The following EIPR1 variants were observed in gnomAD, a reference collection of about 807,000 sequenced individuals.
The protein encoded by EIPR1 is EARP complex and GARP complex interacting protein 1.
A neutral mutation model predicts 48.1 loss-of-function variants in EIPR1; 25 were observed. That is an observed-to-expected ratio of 0.52 (90% confidence interval 0.38 to 0.73). The LOEUF is 0.73. EIPR1 is among the 30% of genes least tolerant of loss of function. The pLI, the probability that EIPR1 is intolerant of heterozygous loss-of-function variation, is 0.00. For missense variants in EIPR1, 415 were observed against 506.2 expected, an observed-to-expected ratio of 0.82 and a Z score of 1.73; for synonymous variants, 204 against 201.9, an observed-to-expected ratio of 1.01 and a Z score of -0.09.
chr2:3,369,318 GGT>G (rs1558323926), intron 1 of EIPR1, among the ~76,000 whole-genome samples: 2 of 152,224 alleles, frequency 1.3e-5, no homozygotes, highest in Non-Finnish European at 2.9e-5. Context: ...GCAGAAGACG[GGT>G]GATTTCTGCA....
intron 2 of EIPR1, among the ~76,000 whole-genome samples, chr2:3,341,237 A>G (rs559113537): frequency 3.5e-4 from 53 of 152,314 alleles, no homozygotes; most frequent in African/African-American, 1.3e-3. Flanking sequence ...AGTGAGAAAA[A>G]TCAGACACGA....
At chr2:3,327,822 C>T (rs1669744799) in intron 3 of EIPR1, among the ~76,000 whole-genome samples, 1 of 152,226 alleles carries the variant, frequency 6.6e-6, no homozygotes, top group Non-Finnish European at 1.5e-5. Context: ...GTATACTCAA[C>T]TCGTTTTGTT....
intron 1 of EIPR1, among the ~76,000 whole-genome samples, chr2:3,373,587 G>A (rs1659767803): frequency 6.6e-6 from 1 of 151,968 alleles, no homozygotes; most frequent in Non-Finnish European, 1.5e-5. Flanking sequence ...ACCAATAACA[G>A]ACAAACAGAG....
Position 3,199,342 on chromosome 2 carries a change from G to A in EIPR1, c.517-2325C>T, listed in dbSNP as rs145690932. On this transcript the variant is annotated intron_variant, in intron 5 of 8. Coordinates refer to ENST00000382125, the MANE Select transcript of EIPR1 (RefSeq NM_003310.5). ...TAATGCAATCATCACAGGGTCCTGA[G>A]GCAACATACATCCTCAGCTTACGAA... Among the ~76,000 whole-genome samples, 559 of 152,234 alleles carry A rather than the reference G, an allele frequency of 3.7e-3. 5 individuals are homozygous for A. Among genetic ancestry groups the A allele is most frequent in the Middle Eastern group, 0.017 (5 of 294 alleles).
At chr2:3,251,871 T>C (rs2103209304) in intron 4 of EIPR1, among the ~76,000 whole-genome samples, 1 of 152,276 alleles carries the variant, frequency 6.6e-6, no homozygotes, top group East Asian at 1.9e-4. Context: ...GCTCCTTCTG[T>C]TCATTCAACA....
intron 5 of EIPR1, among the ~76,000 whole-genome samples, chr2:3,202,837 G>T (rs887431315): frequency 6.6e-6 from 1 of 152,248 alleles, no homozygotes; most frequent in Non-Finnish European, 1.5e-5. Context: ...GACTCGTCTA[G>T]ATTTTTGAAA....
intron 5 of EIPR1, among the ~76,000 whole-genome samples, chr2:3,210,771 C>CA (rs1457888738): frequency 6.6e-6 from 1 of 152,036 alleles, no homozygotes; most frequent in African/African-American, 2.4e-5. Flanking sequence ...GCTGAGATTA[C>CA]AGGCACGTGC....
At chr2:3,279,746 G>A (rs566818004) in intron 3 of EIPR1, among the ~76,000 whole-genome samples, 23 of 152,356 alleles carry the variant, frequency 1.5e-4, no homozygotes, top group East Asian at 1.2e-3. Flanking sequence ...AGGCTGCTCC[G>A]CTGACCTGAC....
At chr2:3,263,070 C>T (rs1285623487) in intron 3 of EIPR1, among the ~76,000 whole-genome samples, 1 of 152,242 alleles carries the variant, frequency 6.6e-6, no homozygotes, top group Non-Finnish European at 1.5e-5. Context: ...GAGATCTGAG[C>T]TGCTTTACAG....
rs66959073 is a variant in EIPR1 at position 3,194,696 on chromosome 2, A to AG, written c.654-531dup. Reference sequence around the variant, plus strand: ...TATATATATACAGAGAGAGAGAGAAAGGGGGGGGCAGTGGGGAAGGCCATG... The same window carrying AG: ...TATATATATACAGAGAGAGAGAGAAAGGGGGGGGGCAGTGGGGAAGGCCATG... On this transcript the variant is annotated intron_variant, in intron 6 of 8. Transcript: ENST00000382125. Among the ~76,000 whole-genome samples, 313 of 150,616 alleles carry AG rather than the reference A, an allele frequency of 2.1e-3. 1 individual carries two copies. The highest frequency in any genetic ancestry group is 6.8e-3 in the African/African-American group (276 of 40,712).
intron 3 of EIPR1, among the ~76,000 whole-genome samples, chr2:3,261,420 C>T (rs797005554): frequency 2.6e-4 from 39 of 152,346 alleles, no homozygotes; most frequent in African/African-American, 9.1e-4. Context: ...GAGGCAGCTT[C>T]AGAGCTGGAA....
At chr2:3,350,423 C>T in intron 2 of EIPR1, among the ~76,000 whole-genome samples, 1 of 152,152 alleles carries the variant, frequency 6.6e-6, no homozygotes, top group Non-Finnish European at 1.5e-5. Flanking sequence ...CAACCAGGCC[C>T]CTCCCTCAAA....
intron 3 of EIPR1, among the ~76,000 whole-genome samples, chr2:3,321,520 G>C (rs535434032): frequency 1.3e-5 from 2 of 152,206 alleles, no homozygotes; most frequent in African/African-American, 2.4e-5. Flanking sequence ...CAGAATTCTG[G>C]TTTCACAAAG....
intron 3 of EIPR1, among the ~76,000 whole-genome samples, chr2:3,265,769 C>A (rs150361905): frequency 3.3e-5 from 5 of 152,306 alleles, no homozygotes; most frequent in African/African-American, 1.2e-4. Context: ...AAGGGAACTC[C>A]GATATCATGC....
intron 3 of EIPR1, among the ~76,000 whole-genome samples, chr2:3,269,788 C>T (rs1432728744): frequency 6.6e-6 from 1 of 152,240 alleles, no homozygotes; most frequent in Non-Finnish European, 1.5e-5. Context: ...AAATTGTGTT[C>T]AAGCAGGTCC....
Position 3,216,915 on chromosome 2 carries a change from G to T in EIPR1, c.417-2667C>A, listed in dbSNP as rs947566199. On this transcript the variant is annotated intron_variant, in intron 4 of 8. Coordinates refer to ENST00000382125, the MANE Select transcript of EIPR1 (RefSeq NM_003310.5). ...GGAAAATAGTCAACAACTCTAGAATGAGGAAATGTTTTAAAGGCCTCTGAA... is the reference window on the plus strand; with the variant it reads ...GGAAAATAGTCAACAACTCTAGAATTAGGAAATGTTTTAAAGGCCTCTGAA... Among the ~76,000 whole-genome samples, 5 of 152,208 alleles carry T rather than the reference G, an allele frequency of 3.3e-5. No individual in the cohort carries two copies. In the East Asian group the frequency reaches 7.7e-4, roughly 23 times the overall value.
intron 3 of EIPR1, chr2:3,301,297 CACA>C (rs779167370): frequency 1.3e-5 from 2 of 152,234 alleles, no homozygotes; most frequent in African/African-American, 4.8e-5. Context: ...CTGACCCCTT[CACA>C]ACAACAAGCA....
chr2:3,348,401 A>C (rs895797244), intron 2 of EIPR1, among the ~76,000 whole-genome samples: 2 of 152,296 alleles, frequency 1.3e-5, no homozygotes, highest in South Asian at 2.1e-4. Context: ...ACCAATATAC[A>C]GGGAAAGTCT....
At chr2:3,199,375 G>A (rs188329347) in intron 5 of EIPR1, among the ~76,000 whole-genome samples, 13 of 152,248 alleles carry the variant, frequency 8.5e-5, no homozygotes, top group African/African-American at 3.1e-4. Context: ...GAAGATGACG[G>A]GATTAAGAGA....
Sources: gnomAD v4.1 joint callset for allele counts (sites outside exome capture counted in the v4.1 genomes callset) on GRCh38, gnomAD v4.1.1 for gene constraint, MANE v1.5 for transcripts, NCBI Gene and HGNC (gene_info 2026-07-23, HGNC 2026-07-21) for gene names.